The following TIMP2 variants were observed in gnomAD, a reference collection of about 807,000 sequenced individuals.
TIMP2 encodes TIMP metallopeptidase inhibitor 2.
A neutral mutation model predicts 24.3 loss-of-function variants in TIMP2; 5 were observed. The observed-to-expected ratio is 0.21, with a 90% CI of 0.11 to 0.43. TIMP2 has a LOEUF of 0.43. Among genes scored for constraint, TIMP2 ranks in the 20% least tolerant of loss-of-function variants. The probability of loss-of-function intolerance (pLI) is 1.00; values close to 1 mark genes in which losing one functional copy is unlikely to be tolerated. For missense variants in TIMP2, 221 were observed against 297.5 expected (o/e 0.74, Z 1.89); for synonymous variants, 130 against 123.2 (o/e 1.06, Z -0.37).
chr17:78,910,173 T>C (rs1228694679), intron 1 of TIMP2, among the ~76,000 whole-genome samples: 2 of 151,946 alleles, frequency 1.3e-5, no homozygotes, highest in African/African-American at 4.8e-5. Context: ...CTATACAATA[T>C]ACTTTTGTTA....
At chr17:78,875,260 G>A (rs945971478) in intron 1 of TIMP2, among the ~76,000 whole-genome samples, 3 of 152,130 alleles carry the variant, frequency 2.0e-5, no homozygotes, top group Admixed American at 6.6e-5. Context: ...AGGAGACATC[G>A]GCAGGCACAG....
chr17:78,915,782 A>G (rs941366710), intron 1 of TIMP2, among the ~76,000 whole-genome samples: 1 of 152,126 alleles, frequency 6.6e-6, no homozygotes, highest in Non-Finnish European at 1.5e-5. Flanking sequence ...GGCCTCCCCA[A>G]GTGCTGGGAT....
intron 1 of TIMP2, among the ~76,000 whole-genome samples, chr17:78,893,714 G>C (rs2069955181): frequency 6.6e-6 from 1 of 152,052 alleles, no homozygotes; most frequent in Non-Finnish European, 1.5e-5. Flanking sequence ...AGAAACCAGA[G>C]AGGAGGAGAA....
At chr17:78,868,306 A>G (rs1355840942) in intron 3 of TIMP2, among the ~76,000 whole-genome samples, 18 of 152,070 alleles carry the variant, frequency 1.2e-4, no homozygotes. Context: ...GCTGGAGTAC[A>G]GTGGCGTGAT....
intron 1 of TIMP2, among the ~76,000 whole-genome samples, chr17:78,885,706 G>A (rs776427402): frequency 2.0e-5 from 3 of 152,226 alleles, no homozygotes; most frequent in Non-Finnish European, 2.9e-5. Context: ...GGGGCAGGAG[G>A]TGGAGGGCCA....
At chr17:78,861,172 C>T (rs1320247145) in intron 3 of TIMP2, among the ~76,000 whole-genome samples, 1 of 152,150 alleles carries the variant, frequency 6.6e-6, no homozygotes, top group Non-Finnish European at 1.5e-5. Flanking sequence ...CTGGTTGATT[C>T]TGGCATTTGG....
At chr17:78,893,200 GATGTGTGTGC>G (rs140317012) in intron 1 of TIMP2, among the ~76,000 whole-genome samples, 5,952 of 131,874 alleles carry the variant, frequency 0.045, 141 homozygotes, top group Middle Eastern at 0.076. Flanking sequence ...TGTGTGCAAG[GATGTGTGTGC>G]ATGTGTGTGC....
At chr17:78,897,850 G>C (rs557103676) in intron 1 of TIMP2, 1 of 152,328 alleles carries the variant, frequency 6.6e-6, no homozygotes, top group East Asian at 1.9e-4. Flanking sequence ...GACTGTGAAA[G>C]GAGCCAGCGG....
intron 1 of TIMP2, chr17:78,922,222 G>A (rs778598974): frequency 2.6e-5 from 4 of 152,178 alleles, no homozygotes; most frequent in Admixed American, 6.6e-5. Context: ...GCATCGCTTC[G>A]AGGAGAATCG....
intron 2 of TIMP2, among the ~76,000 whole-genome samples, chr17:78,873,546 G>T (rs1479448236): frequency 2.0e-5 from 3 of 152,184 alleles, no homozygotes; most frequent in Admixed American, 2.0e-4. Flanking sequence ...GCCCACCTCG[G>T]CCTCCCGAAG....
At chr17:78,862,829 T>C (rs2069578402) in intron 3 of TIMP2, among the ~76,000 whole-genome samples, 1 of 152,270 alleles carries the variant, frequency 6.6e-6, no homozygotes, top group Non-Finnish European at 1.5e-5. Flanking sequence ...TTTCTGTTTT[T>C]GCACTAGTTC....
At chr17:78,856,866 A>G (rs1410065541) in intron 4 of TIMP2, 2 of 152,326 alleles carry the variant, frequency 1.3e-5, no homozygotes, top group East Asian at 1.9e-4. Flanking sequence ...GCACTTGCAC[A>G]TTTGTAGAAA....
chr17:78,892,492 A>C (rs2069917490), intron 1 of TIMP2: 1 of 1,524,732 alleles, frequency 6.6e-7, no homozygotes, highest in South Asian at 1.2e-5. Context: ...GCAGCTTTCC[A>C]GATCGCTCCC....
intron 1 of TIMP2, among the ~76,000 whole-genome samples, chr17:78,883,150 C>T (rs1054766724): frequency 3.9e-5 from 6 of 152,242 alleles, no homozygotes; most frequent in African/African-American, 1.2e-4. Flanking sequence ...CCTCGGCCCC[C>T]GGAAGCCAGC....
chr17:78,919,140 T>A (rs1001403800), intron 1 of TIMP2, among the ~76,000 whole-genome samples: 1 of 152,170 alleles, frequency 6.6e-6, no homozygotes, highest in Non-Finnish European at 1.5e-5. Context: ...GTCCTGAAAC[T>A]CCAGTGCCAC....
intron 2 of TIMP2, among the ~76,000 whole-genome samples, chr17:78,873,303 ATTTT>A (rs529558087): frequency 7.1e-6 from 1 of 139,970 alleles, no homozygotes; most frequent in African/African-American, 2.7e-5. Flanking sequence ...CCTGCCACAT[ATTTT>A]TTTTTTTTTT....
Position 78,920,294 on chromosome 17 carries a change from T to C in TIMP2, c.130+4665A>G, listed in dbSNP as rs1401578834. On this transcript the variant is annotated intron_variant, in intron 1 of 4. Coordinates refer to ENST00000262768, the MANE Select transcript of TIMP2 (RefSeq NM_003255.5). This position sits in a 1 kb window ranked among gnomAD's most constrained non-coding sequence, Gnocchi z 4.5. ...GCGACAGCAGGGAGGAGGGAGGCAG[T>C]ACCCAAGCCCACCTGCAGCTCACAA... Among the ~76,000 whole-genome samples the C allele has an allele frequency of 6.6e-6, 1 of 152,158 alleles. No homozygotes were observed. Among genetic ancestry groups the C allele is most frequent in the African/African-American group, 2.4e-5 (1 of 41,432 alleles).
intron 1 of TIMP2, chr17:78,892,341 T>G: frequency 6.4e-7 from 1 of 1,550,674 alleles, no homozygotes; most frequent in Non-Finnish European, 8.7e-7. Context: ...TTTCTGTTCC[T>G]GTCTGCGAAC....
intron 1 of TIMP2, chr17:78,901,057 C>T (rs4789864): frequency 0.5 from 76,654 of 152,376 alleles, 20,405 homozygotes; most frequent in African/African-American, 0.69. Context: ...GGGCACCGCC[C>T]GTTCCCACCC....
Sources: allele counts gnomAD v4.1 joint callset (sites outside exome capture counted in the v4.1 genomes callset), GRCh38; gene constraint gnomAD v4.1.1; non-coding constraint Gnocchi (gnomAD v3.1); transcripts MANE v1.5; gene names NCBI Gene and HGNC (gene_info 2026-07-23, HGNC 2026-07-21).